The following UNC79 variants were observed in gnomAD, a reference collection of about 807,000 sequenced individuals.
UNC79 encodes the protein protein unc-79 homolog.
A neutral mutation model predicts 283.1 loss-of-function variants in UNC79; 37 were observed. The ratio of observed to expected loss-of-function variants is 0.13; its 90% CI spans 0.10 to 0.17. The LOEUF is 0.17. UNC79 is among the 10% of genes least tolerant of loss of function. UNC79 has a pLI of 1.00. For missense variants in UNC79, 2,272 were observed against 3,211.1 expected, an observed-to-expected ratio of 0.71 and a Z score of 7.07; for synonymous variants, 1,107 against 1,200.2, an observed-to-expected ratio of 0.92 and a Z score of 1.61.
intron 20 of UNC79, among the ~76,000 whole-genome samples, chr14:93,584,249 T>A (rs1222352470): frequency 6.6e-6 from 1 of 152,230 alleles, no homozygotes; most frequent in East Asian, 1.9e-4. Flanking sequence ...CCTGGTCATG[T>A]CACTCCTACT....
In UNC79 at chr14:93,470,666, G is replaced by T. The variant is rs115684209; in HGVS notation, c.143+2875G>T. On this transcript the variant is annotated intron_variant, in intron 2 of 48. Coordinates refer to ENST00000555664, the Ensembl canonical transcript of UNC79. ...ATTTACTTAATCTAGTGGTGACCTG[G>T]GGTCTGGTAAAGTTACATCTGAGTG... Among the ~76,000 whole-genome samples, 726 of 152,226 alleles carry T rather than the reference G, an allele frequency of 4.8e-3. 6 individuals are homozygous for T. Among genetic ancestry groups the T allele is most frequent in the African/African-American group, 0.017 (691 of 41,544 alleles).
At chr14:93,687,621 G>A (rs79241075) in intron 43 of UNC79, among the ~76,000 whole-genome samples, 2,618 of 152,288 alleles carry the variant, frequency 0.017, 79 homozygotes, top group African/African-American at 0.06. Context: ...TTTTGGTACA[G>A]TGATAGATTT....
At chr14:93,681,408 GCTAC>G (rs773826424) in intron 41 of UNC79, among the ~76,000 whole-genome samples, 2 of 152,228 alleles carry the variant, frequency 1.3e-5, no homozygotes, top group Non-Finnish European at 2.9e-5. Context: ...GCCAAAACCT[GCTAC>G]CTGTTAATAA....
chr14:93,564,457 T>C (rs1188364703), intron 14 of UNC79, among the ~76,000 whole-genome samples: 3 of 151,806 alleles, frequency 2.0e-5, no homozygotes, highest in South Asian at 4.1e-4. Flanking sequence ...GGAGAAGAAA[T>C]TTGAGCTTTG....
At chr14:93,678,855 A>C (rs1254979875) in intron 41 of UNC79, among the ~76,000 whole-genome samples, 1 of 152,206 alleles carries the variant, frequency 6.6e-6, no homozygotes, top group Non-Finnish European at 1.5e-5. Context: ...AGGCGTGGAG[A>C]TAGGAAAGAA....
chr14:93,408,180 C>G lies in UNC79; in HGVS notation c.-350-59491C>G, dbSNP rs148165060. On this transcript the variant is annotated intron_variant, in intron 1 of 49. Coordinates refer to the UNC79 transcript ENST00000256339. ...TGATGAGACTGGACATTTAAAATAA[C>G]TATGATTAATATGCTAAGGGCTCTA... 9.2e-3 allele frequency among the ~76,000 whole-genome samples: 1,400 copies of G among 152,186 alleles called. 8 individuals are homozygous for G. Among genetic ancestry groups the G allele is most frequent in the Non-Finnish European group, 0.012 (826 of 68,008 alleles).
At chr14:93,701,445 A>G (rs915288035) in intron 47 of UNC79, among the ~76,000 whole-genome samples, 2 of 152,198 alleles carry the variant, frequency 1.3e-5, no homozygotes, top group African/African-American at 4.8e-5. Flanking sequence ...GTTCTGTAGC[A>G]TGAACCAAGA....
At chr14:93,387,202 C>T (rs991762971) in intron 1 of UNC79, among the ~76,000 whole-genome samples, 1 of 152,118 alleles carries the variant, frequency 6.6e-6, no homozygotes, top group Non-Finnish European at 1.5e-5. Flanking sequence ...CTCGGCCTCC[C>T]AAAGTGCTGG....
chr14:93,471,935 C>T (rs2057532949), intron 2 of UNC79, among the ~76,000 whole-genome samples: 1 of 152,030 alleles, frequency 6.6e-6, no homozygotes, highest in Non-Finnish European at 1.5e-5. Flanking sequence ...TGACATCATA[C>T]TTTGGAAAAA....
chr14:93,692,523 C>T (rs2074775848), intron 46 of UNC79, among the ~76,000 whole-genome samples: 1 of 152,210 alleles, frequency 6.6e-6, no homozygotes, highest in African/African-American at 2.4e-5. Flanking sequence ...TTTAGAAAAA[C>T]CTTAGCCAAT....
chr14:93,427,847 A>G (rs2055765673), upstream of UNC79, among the ~76,000 whole-genome samples: 1 of 152,178 alleles, frequency 6.6e-6, no homozygotes. Context: ...TTTTCTGAAA[A>G]GTAAAACAAT....
chr14:93,462,160 G>T (rs538559959), intron 1 of UNC79, among the ~76,000 whole-genome samples: 6 of 152,174 alleles, frequency 3.9e-5, no homozygotes, highest in Admixed American at 3.9e-4. Flanking sequence ...TACAAAATTA[G>T]CCAGATGTGG....
intron 2 of UNC79, among the ~76,000 whole-genome samples, chr14:93,471,636 T>C (rs188890700): frequency 1.1e-3 from 161 of 152,240 alleles, no homozygotes; most frequent in African/African-American, 3.2e-3. Context: ...GCATTGTACA[T>C]TTATTCATGA....
chr14:93,493,287 G>A (rs2058827737), intron 5 of UNC79, among the ~76,000 whole-genome samples: 2 of 152,102 alleles, frequency 1.3e-5, no homozygotes, highest in Admixed American at 1.3e-4. Flanking sequence ...CAGAGTGAGG[G>A]CTCCCTGGTG....
chr14:93,459,614 CT>C (rs760621954), intron 1 of UNC79, among the ~76,000 whole-genome samples: 1 of 148,084 alleles, frequency 6.8e-6, no homozygotes, highest in East Asian at 2.0e-4. Context: ...CAGTTTTATA[CT>C]TATTAGCTTT....
chr14:93,441,755 T>A (rs1232158109), intron 1 of UNC79, among the ~76,000 whole-genome samples: 1 of 152,132 alleles, frequency 6.6e-6, no homozygotes, highest in African/African-American at 2.4e-5. Context: ...GCCTCCTGAT[T>A]TTTGATAATT....
chr14:93,431,855 G>A (rs1018942166), intron 1 of UNC79, among the ~76,000 whole-genome samples: 14 of 152,226 alleles, frequency 9.2e-5, no homozygotes, highest in Admixed American at 8.5e-4. Flanking sequence ...TTATTGCAGT[G>A]CGCACTAGTA....
intron 1 of UNC79, among the ~76,000 whole-genome samples, chr14:93,412,714 C>T (rs2055359843): frequency 6.6e-6 from 1 of 151,952 alleles, no homozygotes; most frequent in Non-Finnish European, 1.5e-5. Context: ...TGTTACCTTA[C>T]AGGCCAGGAG....
rs71129647 is a variant in UNC79, at chr14:93,558,593, A to ATTTTTTTTTTTTTTTT, written c.1756-13272_1756-13257dup. On this transcript the variant is annotated intron_variant, in intron 14 of 48. Transcript: ENST00000555664. Reference sequence around the variant, plus strand: ...AATCTTGTAGAGGAGAGAAACAGGGATTTTTTTTTTTTTTTTTTTTTTTTT... The same window carrying ATTTTTTTTTTTTTTTT: ...AATCTTGTAGAGGAGAGAAACAGGGATTTTTTTTTTTTTTTTTTTTTTTTTTTTTTTTTTTTTTTTT... 1.4e-4 allele frequency among the ~76,000 whole-genome samples: 9 copies of ATTTTTTTTTTTTTTTT among 62,774 alleles called. 1 individual carries two copies. Among genetic ancestry groups the ATTTTTTTTTTTTTTTT allele is most frequent in the African/African-American group, 5.1e-4 (7 of 13,608 alleles). The allele number at this position is 62,774 out of a possible 152,430, so 41.2% of individuals were successfully genotyped here.
Sources: gnomAD v4.1 joint callset for allele counts (sites outside exome capture counted in the v4.1 genomes callset) on GRCh38, gnomAD v4.1.1 for gene constraint, MANE v1.5 for transcripts, NCBI Gene and HGNC (gene_info 2026-07-23, HGNC 2026-07-21) for gene names.